GDPD4: variants seen among roughly 807,000 people sequenced by gnomAD.
GDPD4 encodes glycerophosphodiester phosphodiesterase 6.
GDPD4 carries 60 observed loss-of-function variants against 67.8 expected under a neutral mutation model. That is an observed-to-expected ratio of 0.88 (90% confidence interval 0.72 to 1.10). The LOEUF (loss-of-function observed/expected upper bound fraction) is 1.10. Among genes scored for constraint, GDPD4 ranks in the 50% least tolerant of loss-of-function variants. GDPD4 has a pLI of 0.00. For missense variants in GDPD4, 623 were observed against 613.9 expected, an observed-to-expected ratio of 1.01 and a Z score of -0.16; for synonymous variants, 212 against 210.9, an observed-to-expected ratio of 1.00 and a Z score of -0.04.
chr11:77,271,164 A>C lies in GDPD4; in HGVS notation c.366T>G (p.Pro122=). 2 of 1,612,510 alleles carry C rather than the reference A, an allele frequency of 1.2e-6. No individual in the cohort carries two copies. Among genetic ancestry groups the C allele is most frequent in the Non-Finnish European group, 1.7e-6 (2 of 1,179,434 alleles). ...SITVMVILFW[P]VAFYVACLER... is the part of the protein sequence containing the mutation. ...CCAAACATGCCACGTAGAAGGCCAC[A>C]GGCCAGAAAAGGATAACCATCACAG... Residue 122 remains proline (P), a synonymous_variant, in exon 7 of 17, where the codon CCT becomes CCG. Transcript: ENST00000315938.
chr11:77,254,686 CG>C (rs1490819889), intron 11 of GDPD4, among the ~76,000 whole-genome samples: 5 of 152,262 alleles, frequency 3.3e-5, no homozygotes, highest in Middle Eastern at 3.4e-3. Flanking sequence ...CAAAGTTCCA[CG>C]GAAGTGTTGG....
rs528202506 is a variant in GDPD4 at position 77,217,266 on chromosome 11, AATCTATCT to A, written c.*3_*10del. 8.9e-5 allele frequency: 142 copies of A among 1,596,164 alleles called. No individual in the cohort carries two copies. The South Asian group carries it at 1.0e-3, about 11-fold the overall frequency. The stretch of plus-strand genomic sequence containing the variant: ...ACAGGAGGTTTCATGGCTATGTGCA[AATCTATCT>A]ATCTATCTATCTTCCTCATTCTTAC... On this transcript the variant is annotated 3_prime_UTR_variant, in exon 17 of 17. Transcript: ENST00000315938.
intron 13 of GDPD4, among the ~76,000 whole-genome samples, chr11:77,235,520 T>G (rs1475741611): frequency 6.6e-6 from 1 of 152,128 alleles, no homozygotes; most frequent in Middle Eastern, 3.2e-3. Context: ...ATACAATAGA[T>G]CCATACAAAT....
chr11:77,238,750 A>T (rs1958610502), intron 13 of GDPD4, among the ~76,000 whole-genome samples: 1 of 152,194 alleles, frequency 6.6e-6, no homozygotes, highest in African/African-American at 2.4e-5. Flanking sequence ...TCACTGCTGA[A>T]TTCCACCAAA....
At chr11:77,280,782 A>T (rs540899890) in intron 3 of GDPD4, among the ~76,000 whole-genome samples, 1 of 151,970 alleles carries the variant, frequency 6.6e-6, no homozygotes, top group Non-Finnish European at 1.5e-5. Flanking sequence ...CTCTCCCTCT[A>T]CTTCTTCCCA....
intron 10 of GDPD4, among the ~76,000 whole-genome samples, chr11:77,265,247 A>G (rs1357584076): frequency 1.3e-5 from 2 of 152,134 alleles, no homozygotes; most frequent in South Asian, 4.1e-4. Flanking sequence ...TAGACTAGCC[A>G]AAGAACCTAG....
At position 77,258,519 on chromosome 11, in the gene GDPD4, A is replaced by G; in HGVS notation, c.731T>C (p.Met244Thr). Residue 244 changes from methionine (M) to threonine (T), a missense_variant, in exon 11 of 17, where the codon ATG becomes ACG. Transcript: ENST00000315938. ...TGTTCTTTTCAGGTCAAAGTCATGC[A>G]TGAGGAAAGGCACATGATCATAACT... ...HLSYDHVPFLMHDFDLKRTTN... is the reference protein window; with the variant it reads ...HLSYDHVPFLTHDFDLKRTTN... 6.2e-7 allele frequency: 1 copy of G among 1,613,966 alleles called. No homozygotes were observed. The highest frequency in any genetic ancestry group is 1.7e-5 in the Admixed American group (1 of 60,018).
At chr11:77,283,245 G>A (rs995258507) in intron 3 of GDPD4, among the ~76,000 whole-genome samples, 1 of 152,216 alleles carries the variant, frequency 6.6e-6, no homozygotes, top group African/African-American at 2.4e-5. Flanking sequence ...TCTGTAAAAT[G>A]CCTGGAAGAG....
intron 11 of GDPD4, among the ~76,000 whole-genome samples, chr11:77,248,549 T>C (rs965029172): frequency 2.0e-5 from 3 of 151,910 alleles, no homozygotes; most frequent in African/African-American, 7.3e-5. Context: ...CTACCATTAA[T>C]TGCATTACTA....
chr11:77,228,145 C>T (rs939986422), intron 15 of GDPD4, among the ~76,000 whole-genome samples: 6 of 151,484 alleles, frequency 4.0e-5, no homozygotes, highest in African/African-American at 9.7e-5. Flanking sequence ...CTGAGGCAGG[C>T]GGATCACCTG....
chr11:77,241,909 G>A (rs1457723246), intron 13 of GDPD4, among the ~76,000 whole-genome samples: 3 of 151,944 alleles, frequency 2.0e-5, no homozygotes, highest in South Asian at 2.1e-4. Context: ...CTCCAGCCTG[G>A]TGACAGAGCG....
intron 12 of GDPD4, among the ~76,000 whole-genome samples, chr11:77,244,717 C>T (rs1591542115): frequency 6.6e-6 from 1 of 152,002 alleles, no homozygotes; most frequent in East Asian, 1.9e-4. Context: ...TCATTTCCTG[C>T]CAACAGAGAT....
At chr11:77,249,264 C>CAA (rs34998852) in intron 11 of GDPD4, among the ~76,000 whole-genome samples, 7,475 of 77,558 alleles carry the variant, frequency 0.096, 453 homozygotes, top group Non-Finnish European at 0.14. Context: ...GACTCCATCT[C>CAA]AAAAAAAAAA....
chr11:77,277,745 C>T (rs1436363357), intron 4 of GDPD4, among the ~76,000 whole-genome samples: 1 of 151,894 alleles, frequency 6.6e-6, no homozygotes, highest in Non-Finnish European at 1.5e-5. Flanking sequence ...TTCAGTTCTG[C>T]TCTGATCTTA....
intron 10 of GDPD4, among the ~76,000 whole-genome samples, chr11:77,265,648 T>G (rs906419909): frequency 7.2e-5 from 11 of 152,202 alleles, no homozygotes; most frequent in African/African-American, 2.7e-4. Context: ...TTCATTCGTT[T>G]TACATGAACT....
At chr11:77,272,502 G>A (rs1490724437) in intron 5 of GDPD4, among the ~76,000 whole-genome samples, 1 of 152,168 alleles carries the variant, frequency 6.6e-6, no homozygotes, top group African/African-American at 2.4e-5. Flanking sequence ...CAGGCTGGGA[G>A]CAGCGGCTCC....
chr11:77,235,009 G>GTGTTTTTTTTTTT (rs1413310722), intron 13 of GDPD4, among the ~76,000 whole-genome samples: 1 of 52,254 alleles, frequency 1.9e-5, no homozygotes, highest in Non-Finnish European at 3.7e-5. Flanking sequence ...GTCAATATCT[G>GTGTTTTTTTTTTT]TTTTTTTTTT....
intron 5 of GDPD4, among the ~76,000 whole-genome samples, chr11:77,273,281 C>G (rs764038906): frequency 1.8e-4 from 28 of 152,224 alleles, no homozygotes; most frequent in Non-Finnish European, 3.2e-4. Flanking sequence ...TAAAATGAAA[C>G]TCCAAGCCCC....
chr11:77,296,528 G>A (rs1424445714), intron 1 of GDPD4, among the ~76,000 whole-genome samples: 2 of 150,620 alleles, frequency 1.3e-5, no homozygotes, highest in Admixed American at 6.6e-5. Flanking sequence ...CACCAAGTTA[G>A]CCAGGCCGGT....
Sources: gnomAD v4.1 joint callset for allele counts (sites outside exome capture counted in the v4.1 genomes callset) on GRCh38, gnomAD v4.1.1 for gene constraint, MANE v1.5 for transcripts, NCBI Gene and HGNC (gene_info 2026-07-23, HGNC 2026-07-21) for gene names.